Variants in TALDO1 observed in about 807,000 individuals in gnomAD.
TALDO1 encodes the protein transaldolase 1, also known as transaldolase.
A neutral mutation model predicts 38.1 loss-of-function variants in TALDO1; 29 were observed. The observed-to-expected ratio is 0.76, with a 90% CI of 0.57 to 1.04. The LOEUF is 1.04. TALDO1 is among the 50% of genes least tolerant of loss of function. The probability of loss-of-function intolerance (pLI) is 0.00; values close to 1 mark genes in which losing one functional copy is unlikely to be tolerated. For missense variants in TALDO1, 499 were observed against 438.1 expected, an observed-to-expected ratio of 1.14 and a Z score of -1.24; for synonymous variants, 207 against 176.8, an observed-to-expected ratio of 1.17 and a Z score of -1.36.
chr11:764,037 G>GA, intron 6 of TALDO1, 93 bp downstream of exon 6: 1 of 1,493,350 alleles, frequency 6.7e-7, no homozygotes, highest in Non-Finnish European at 9.0e-7. Context: ...CCACCTGTGG[G>GA]GCGAGCTCAT....
chr11:760,267 C>CA lies in TALDO1; in HGVS notation c.461+15dup. 6.2e-7 allele frequency: 1 copy of CA among 1,613,514 alleles called. No homozygotes were observed. On this transcript the variant is annotated intron_variant, in intron 4 of 7. Coordinates refer to ENST00000319006, the MANE Select transcript of TALDO1 (RefSeq NM_006755.2). ...TCAGGCTGGAAAGTAAGTGGTCCCC[C>CA]ACAAGGAAGGAGCTCTCAGAGATTT...
chr11:764,849 A>G lies in TALDO1; in HGVS notation c.*4A>G, dbSNP rs764094436. On this transcript the variant is annotated 3_prime_UTR_variant, in exon 8 of 8. Coordinates refer to ENST00000319006, the MANE Select transcript of TALDO1 (RefSeq NM_006755.2). ...CAATGCAGAGAATGGAAAGTAGCGC[A>G]TCCCTGAGGCTGGACTCCAGATCTG... 2 of 1,614,066 alleles carry G rather than the reference A, an allele frequency of 1.2e-6. No individual in the cohort carries two copies. Among genetic ancestry groups the G allele is most frequent in the Non-Finnish European group, 1.7e-6 (2 of 1,180,046 alleles).
intron 1 of TALDO1, among the ~76,000 whole-genome samples, chr11:753,592 C>G (rs1862786329): frequency 6.6e-6 from 1 of 150,776 alleles, no homozygotes; most frequent in South Asian, 2.1e-4. Flanking sequence ...GGCGTGGTGG[C>G]TCGTGCCTGT....
At chr11:750,380 C>T (rs1463419259) in intron 1 of TALDO1, among the ~76,000 whole-genome samples, 1 of 151,936 alleles carries the variant, frequency 6.6e-6, no homozygotes, top group Admixed American at 6.6e-5. Flanking sequence ...CCTAGCTACT[C>T]AGGAGGCTGA....
chr11:748,983 G>A (rs1252738902), intron 1 of TALDO1, among the ~76,000 whole-genome samples: 1 of 152,218 alleles, frequency 6.6e-6, no homozygotes, highest in Admixed American at 6.5e-5. Flanking sequence ...TTAGGGCAGA[G>A]CTGGTGCGGA....
In TALDO1 at chr11:755,020, G is replaced by A. The variant is rs992706270; in HGVS notation, c.98-859G>A. Reference sequence around the variant, plus strand: ...ATTAGTCTTAAAGTTGCAGCAGTGCGGTTCAGCAACTATTAGATAAACTGG... The same window carrying A: ...ATTAGTCTTAAAGTTGCAGCAGTGCAGTTCAGCAACTATTAGATAAACTGG... On this transcript the variant is annotated intron_variant, in intron 1 of 7. Transcript: ENST00000319006. Among the ~76,000 whole-genome samples, 8 of 152,076 alleles carry A rather than the reference G, an allele frequency of 5.3e-5. No individual in the cohort carries two copies. In the East Asian group the frequency reaches 9.6e-4, roughly 18 times the overall value.
At chr11:751,155 T>C (rs1862743260) in intron 1 of TALDO1, among the ~76,000 whole-genome samples, 1 of 151,972 alleles carries the variant, frequency 6.6e-6, no homozygotes, top group Non-Finnish European at 1.5e-5. Context: ...CTTGACCTCC[T>C]GGGCTGAGGT....
rs143020914 is a variant in TALDO1 at position 763,914 on chromosome 11, A to G, written c.805A>G (p.Lys269Glu). ...LLGELLQDNA[K>E]LVPVLSAKAA... The stretch of plus-strand genomic sequence containing the variant: ...GGGAGAGCTGCTGCAGGACAACGCC[A>G]AGCTGGTGCCTGTGCTCTCAGCCAA... Residue 269 changes from lysine (K) to glutamate (E), a missense_variant, in exon 6 of 8, where the codon AAG (lysine) becomes GAG (glutamate). By Grantham distance (56) the Lys-to-Glu change is moderately conservative. Transcript: ENST00000319006. 1.1e-5 allele frequency: 18 copies of G among 1,611,796 alleles called. No homozygotes were observed. The African/African-American group carries it at 2.4e-4, about 22-fold the overall frequency.
At position 763,806 on chromosome 11, in the gene TALDO1, G is replaced by A. The variant is rs780229014; in HGVS notation, c.697G>A (p.Val233Ile). 5.0e-6 allele frequency: 8 copies of A among 1,614,096 alleles called. No individual in the cohort carries two copies. In the South Asian group the frequency reaches 8.8e-5, roughly 18 times the overall value. Residue 233 changes from valine (V) to isoleucine (I), a missense_variant, in exon 6 of 8, where the codon GTC becomes ATC. Transcript: ENST00000319006. ...YYKKFSYKTI[V>I]MGASFRNTGE... ...CAAGAAGTTTAGCTACAAAACCATT[G>A]TCATGGGCGCCTCCTTCCGCAACAC...
intron 7 of TALDO1, 27 bp downstream of exon 7, chr11:764,460 T>A (rs780334027): frequency 1.2e-6 from 2 of 1,612,274 alleles, no homozygotes; most frequent in Non-Finnish European, 1.7e-6. Flanking sequence ...GGTACCTACA[T>A]ATGCCAAGCC....
Position 755,971 on chromosome 11 carries a change from G to A in TALDO1, c.190G>A (p.Glu64Lys), listed in dbSNP as rs780759475. The change falls in exon 2 of 8, where the codon GAG becomes AAG. Residue 64 changes from glutamate to lysine, a missense_variant. Transcript: ENST00000319006. ...GCCCGCTTACCAGGAGCTGGTGGAG[G>A]AGGCGATTGCCTATGGCCGGAAGCT... is the stretch of plus-strand genomic sequence containing the variant. ...QMPAYQELVE[E>K]AIAYGRKLGG... 2.5e-6 allele frequency: 4 copies of A among 1,613,748 alleles called. No homozygotes were observed. Among genetic ancestry groups the A allele is most frequent in the Non-Finnish European group, 8.5e-7 (1 of 1,179,948 alleles).
intron 1 of TALDO1, among the ~76,000 whole-genome samples, chr11:749,447 T>C (rs1439781558): frequency 6.6e-6 from 1 of 152,124 alleles, no homozygotes; most frequent in African/African-American, 2.4e-5. Context: ...TGTGACATTT[T>C]TTTTTAATGA....
At chr11:751,543 C>A (rs1490943628) in intron 1 of TALDO1, among the ~76,000 whole-genome samples, 3 of 152,150 alleles carry the variant, frequency 2.0e-5, no homozygotes, top group East Asian at 3.9e-4. Context: ...CCTGTAATCA[C>A]AGCACTTTGG....
chr11:755,408 T>C (rs1446921125), intron 1 of TALDO1, among the ~76,000 whole-genome samples: 1 of 152,182 alleles, frequency 6.6e-6, no homozygotes, highest in African/African-American at 2.4e-5. Context: ...CCTCCCAAAG[T>C]GCTGGGATTA....
In TALDO1 at chr11:763,377, C is replaced by T. The variant is rs1862987305; in HGVS notation, c.495C>T (p.Asn165=). 6.2e-7 allele frequency: 1 copy of T among 1,611,474 alleles called. No homozygotes were observed. Among genetic ancestry groups the T allele is most frequent in the East Asian group, 2.2e-5 (1 of 44,716 alleles). The change falls in exon 5 of 8, where the codon AAC becomes AAT. Residue 165 remains asparagine, a synonymous_variant. Coordinates refer to ENST00000319006, the MANE Select transcript of TALDO1 (RefSeq NM_006755.2). ...AGGAGCAGCACGGCATCCACTGCAA[C>T]ATGACGTTACTCTTCTCCTTCGCCC... ...ELEEQHGIHC[N]MTLLFSFAQA... is the part of the protein sequence containing the mutation.
At chr11:759,746 A>AT in intron 3 of TALDO1, among the ~76,000 whole-genome samples, 1 of 151,990 alleles carries the variant, frequency 6.6e-6, no homozygotes, top group African/African-American at 2.4e-5. Flanking sequence ...TACCCAGCTA[A>AT]TTTTTTTGTA....
chr11:757,290 T>A (rs7924831), intron 2 of TALDO1, among the ~76,000 whole-genome samples: 56,570 of 103,514 alleles, frequency 0.55, 11,800 homozygotes, highest in Admixed American at 0.61. Flanking sequence ...TGGCCCCAAA[T>A]TTTTTTTTTT....
chr11:751,397 G>A (rs1448756824), intron 1 of TALDO1, among the ~76,000 whole-genome samples: 5 of 152,212 alleles, frequency 3.3e-5, no homozygotes, highest in East Asian at 1.9e-4. Flanking sequence ...GGCCAGCCTC[G>A]GTGGCTCATG....
Position 764,813 on chromosome 11 carries a change from G to A in TALDO1, c.982G>A (p.Glu328Lys), listed in dbSNP as rs369679261. Residue 328 changes from glutamate to lysine, a missense_variant and splice_region_variant, in exon 8 of 8, where the codon GAA becomes AAA. Transcript: ENST00000319006. Reference protein sequence around the residue: ...DAVKLERMLTERMFNAENGK With the variant: ...DAVKLERMLTKRMFNAENGK ...CAGCTCGTGCTCTGTTTGTTTCTAG[G>A]AACGAATGTTCAATGCAGAGAATGG... 36 of 1,614,138 alleles carry A rather than the reference G, an allele frequency of 2.2e-5. No homozygotes were observed. The African/African-American group carries it at 4.7e-4, about 21-fold the overall frequency.
Sources: gnomAD v4.1 joint callset for allele counts (sites outside exome capture counted in the v4.1 genomes callset) on GRCh38, gnomAD v4.1.1 for gene constraint, MANE v1.5 for transcripts, NCBI Gene and HGNC (gene_info 2026-07-23, HGNC 2026-07-21) for gene names.